Variants in KCNK2 observed in about 807,000 individuals in gnomAD.
KCNK2 encodes the protein potassium two pore domain channel subfamily K member 2.
A neutral mutation model predicts 40.5 loss-of-function variants in KCNK2; 21 were observed. The ratio of observed to expected loss-of-function variants is 0.52; its 90% confidence interval spans 0.37 to 0.75. The LOEUF is 0.75. KCNK2 is among the 30% of genes least tolerant of loss of function. The pLI is 0.00. For missense variants in KCNK2, 399 were observed against 531.6 expected, an observed-to-expected ratio of 0.75 and a Z score of 2.45; for synonymous variants, 191 against 202.2, an observed-to-expected ratio of 0.94 and a Z score of 0.47.
At chr1:215,022,130 A>ATCTAG (rs1558059696) in intron 1 of KCNK2, among the ~76,000 whole-genome samples, 20 of 17,284 alleles carry the variant, frequency 1.2e-3, no homozygotes, top group East Asian at 4.6e-3. Flanking sequence ...TATCTATCTA[A>ATCTAG]TCATCTATCT....
At chr1:215,209,338 A>C (rs1210133408) in intron 6 of KCNK2, among the ~76,000 whole-genome samples, 1 of 97,664 alleles carries the variant, frequency 1.0e-5, no homozygotes, top group Non-Finnish European at 1.9e-5. Flanking sequence ...TTTTATATAT[A>C]TAATATATAT....
chr1:215,152,293 G>A (rs1009411348), intron 3 of KCNK2, among the ~76,000 whole-genome samples: 3 of 152,002 alleles, frequency 2.0e-5, no homozygotes, highest in South Asian at 4.1e-4. Context: ...GAGACATATG[G>A]CACTACCAGA....
intron 1 of KCNK2, among the ~76,000 whole-genome samples, chr1:215,062,834 T>C (rs1658405237): frequency 6.6e-6 from 1 of 151,972 alleles, no homozygotes; most frequent in African/African-American, 2.4e-5. Context: ...CAACACCAAC[T>C]CAACTATGTG....
chr1:215,021,374 G>C (rs1219754475), intron 1 of KCNK2, among the ~76,000 whole-genome samples: 2 of 95,004 alleles, frequency 2.1e-5, no homozygotes, highest in African/African-American at 6.1e-5. Flanking sequence ...CATCTCTGAG[G>C]GTGTTTCCAG....
At chr1:215,053,297 G>A (rs929394478) in intron 1 of KCNK2, among the ~76,000 whole-genome samples, 1 of 152,118 alleles carries the variant, frequency 6.6e-6, no homozygotes, top group Non-Finnish European at 1.5e-5. Context: ...GACAGTGACT[G>A]ATGCATCTTC....
At chr1:215,048,810 T>A (rs1378177436) in intron 1 of KCNK2, among the ~76,000 whole-genome samples, 2 of 152,200 alleles carry the variant, frequency 1.3e-5, no homozygotes, top group African/African-American at 4.8e-5. Context: ...AGCCTGGACA[T>A]GCATCTGAGT....
rs919390528 is a variant in KCNK2 at position 215,147,844 on chromosome 1, AAAAC to A, written c.476-21343_476-21340del. Among the ~76,000 whole-genome samples the A allele has an allele frequency of 2.0e-5, 3 of 152,038 alleles. No individual in the cohort carries two copies. In the South Asian group the frequency reaches 6.2e-4, roughly 32 times the overall value. On this transcript the variant is annotated intron_variant, in intron 3 of 6. Transcript: ENST00000444842. Reference sequence around the variant, plus strand: ...AGTGAGACTCTGTCTCAAAAAACAAAAAACAAACAAACAAAAACACGAGATGTGA... The same window carrying A: ...AGTGAGACTCTGTCTCAAAAAACAAAAAACAAACAAAAACACGAGATGTGA...
chr1:215,043,157 T>C (rs980515732), intron 1 of KCNK2, among the ~76,000 whole-genome samples: 1 of 152,122 alleles, frequency 6.6e-6, no homozygotes, highest in Non-Finnish European at 1.5e-5. Flanking sequence ...TTAAGAAGTG[T>C]TAGAAAAGAT....
chr1:215,093,048 C>T (rs1659761084), intron 2 of KCNK2, among the ~76,000 whole-genome samples: 1 of 152,020 alleles, frequency 6.6e-6, no homozygotes, highest in South Asian at 2.1e-4. Context: ...AGGGGCCAGA[C>T]TGAAGATACA....
intron 6 of KCNK2, among the ~76,000 whole-genome samples, chr1:215,226,809 G>A (rs948699489): frequency 5.9e-5 from 9 of 152,182 alleles, no homozygotes; most frequent in East Asian, 1.9e-4. Context: ...TACAATAGGC[G>A]TGATGTTCTT....
At chr1:215,036,395 A>G (rs1657386148) in intron 1 of KCNK2, among the ~76,000 whole-genome samples, 1 of 151,654 alleles carries the variant, frequency 6.6e-6, no homozygotes, top group Non-Finnish European at 1.5e-5. Flanking sequence ...CCATTGATCT[A>G]TTTTTCTATC....
At chr1:215,037,002 C>CTT (rs3033912) in intron 1 of KCNK2, among the ~76,000 whole-genome samples, 7,463 of 125,760 alleles carry the variant, frequency 0.059, 614 homozygotes, top group African/African-American at 0.17. Flanking sequence ...CCTTTTATTC[C>CTT]TTTTTTTTTT....
At chr1:215,189,418 G>A (rs2102657925) in intron 5 of KCNK2, among the ~76,000 whole-genome samples, 1 of 152,228 alleles carries the variant, frequency 6.6e-6, no homozygotes, top group South Asian at 2.1e-4. Flanking sequence ...TAACAATTGG[G>A]TACATCTATA....
intron 6 of KCNK2, among the ~76,000 whole-genome samples, chr1:215,218,929 T>C (rs751909924): frequency 1.2e-4 from 18 of 152,250 alleles, no homozygotes; most frequent in Non-Finnish European, 5.9e-5. Flanking sequence ...ATTTTAATCA[T>C]ACTTATTGAT....
intron 1 of KCNK2, among the ~76,000 whole-genome samples, chr1:215,020,143 G>A (rs1296254298): frequency 6.6e-6 from 1 of 152,106 alleles, no homozygotes; most frequent in Admixed American, 6.5e-5. Flanking sequence ...TCCTTTCAGA[G>A]GTGTGGCACT....
intron 1 of KCNK2, among the ~76,000 whole-genome samples, chr1:215,012,386 T>C (rs1417619084): frequency 1.3e-5 from 2 of 152,158 alleles, no homozygotes; most frequent in African/African-American, 4.8e-5. Flanking sequence ...CTCACTGTGG[T>C]TTTAACATGT....
chr1:215,005,565 G>T (rs989771087), upstream of KCNK2, among the ~76,000 whole-genome samples: 1 of 152,198 alleles, frequency 6.6e-6, no homozygotes, highest in African/African-American at 2.4e-5. Flanking sequence ...AATAAGTGAC[G>T]CTGGCAACTT....
chr1:215,234,637 A>G (rs956384118), intron 6 of KCNK2, among the ~76,000 whole-genome samples, 191 bp from the exon 7 acceptor site: 1 of 152,212 alleles, frequency 6.6e-6, no homozygotes, highest in Non-Finnish European at 1.5e-5. Flanking sequence ...TTTTAGAGCT[A>G]TATCTATATA....
chr1:215,032,876 C>G (rs1001307802), intron 1 of KCNK2, among the ~76,000 whole-genome samples: 2 of 151,882 alleles, frequency 1.3e-5, no homozygotes, highest in Non-Finnish European at 2.9e-5. Flanking sequence ...TGACATTTAT[C>G]TTGAATGGTG....
Sources: allele counts gnomAD v4.1 joint callset (sites outside exome capture counted in the v4.1 genomes callset), GRCh38; gene constraint gnomAD v4.1.1; transcripts MANE v1.5; gene names NCBI Gene and HGNC (gene_info 2026-07-23, HGNC 2026-07-21).